The following SEC23IP variants were observed in gnomAD, a reference collection of about 807,000 sequenced individuals.
SEC23IP encodes the protein SEC23-interacting protein.
A neutral mutation model predicts 113.4 loss-of-function variants in SEC23IP; 70 were observed. The ratio of observed to expected loss-of-function variants is 0.62; its 90% confidence interval spans 0.51 to 0.75. The LOEUF (loss-of-function observed/expected upper bound fraction) is 0.75. SEC23IP is among the 30% of genes least tolerant of loss of function. The probability of loss-of-function intolerance (pLI) is 0.00; values close to 1 mark genes in which losing one functional copy is unlikely to be tolerated. For synonymous variants in SEC23IP, 398 were observed against 421.0 expected, an observed-to-expected ratio of 0.95 and a Z score of 0.67; for missense variants, 1,160 against 1,204.9, an observed-to-expected ratio of 0.96 and a Z score of 0.55.
rs975800867 is a variant in SEC23IP at position 119,943,287 on chromosome 10, A to T, written c.*2722A>T. Reference sequence around the variant, plus strand: ...TGGGTCCTCAGAGGAGAGTGGATAGAATTCAGTTCCTCTATGAGCTGGGGT... The same window carrying T: ...TGGGTCCTCAGAGGAGAGTGGATAGTATTCAGTTCCTCTATGAGCTGGGGT... On this transcript the variant is annotated 3_prime_UTR_variant, in exon 19 of 19. Transcript: ENST00000369075. 2.0e-5 allele frequency: 3 copies of T among 152,164 alleles called. No individual in the cohort carries two copies. Among genetic ancestry groups the T allele is most frequent in the Non-Finnish European group, 4.4e-5 (3 of 68,042 alleles). The allele number at this position is 152,164 out of a possible 1,614,324, so 9.4% of individuals were successfully genotyped here. A position where few individuals can be genotyped will look rare whatever the true frequency, so the allele number is the denominator to read the frequency against.
chr10:119,893,471 C>T (rs74157695), intron 1 of SEC23IP, among the ~76,000 whole-genome samples: 1 of 151,256 alleles, frequency 6.6e-6, no homozygotes, highest in African/African-American at 2.4e-5. Flanking sequence ...CTTCTAGAAG[C>T]CTGTAATATT....
intron 12 of SEC23IP, among the ~76,000 whole-genome samples, chr10:119,924,842 C>T (rs943567475): frequency 5.9e-5 from 9 of 152,152 alleles, no homozygotes; most frequent in African/African-American, 1.2e-4. Context: ...CAGTGGCGCA[C>T]GCATGGCTCA....
Position 119,929,759 on chromosome 10 carries a change from T to C in SEC23IP, c.2466T>C (p.His822=). ...GTAAAGGGTTCTTCAATATTTATCA[T>C]CCGGTGAGTAATTGAATTTACTTTG... is the stretch of plus-strand genomic sequence containing the variant. ...PTCKGFFNIY[H]PLDPVAYRLE... is the part of the protein sequence containing the mutation. The change falls in exon 14 of 19, where the codon CAT becomes CAC. Residue 822 remains histidine (H), a synonymous_variant. Coordinates refer to ENST00000369075, the MANE Select transcript of SEC23IP (RefSeq NM_007190.4). 6.4e-7 allele frequency: 1 copy of C among 1,570,230 alleles called. No individual in the cohort carries two copies. Among genetic ancestry groups the C allele is most frequent in the Non-Finnish European group, 8.7e-7 (1 of 1,153,948 alleles).
At position 119,898,521 on chromosome 10, in the gene SEC23IP, A is replaced by G. The variant is rs749318320; in HGVS notation, c.258A>G (p.Val86=). ...AGACATTTAGTTACTTCTCTCAGGT[A>G]TCAAGCAGCAGTGATCCTTTTGGGA... ...APQTFSYFSQ[V]SSSSDPFGNI... The change falls in exon 2 of 19, where the codon GTA becomes GTG. Residue 86 remains valine (V), a synonymous_variant. Transcript: ENST00000369075. 2.5e-6 allele frequency: 4 copies of G among 1,614,176 alleles called. No homozygotes were observed. Among genetic ancestry groups the G allele is most frequent in the South Asian group, 1.1e-5 (1 of 91,086 alleles).
At chr10:119,939,287 C>T (rs1290501455) in intron 18 of SEC23IP, among the ~76,000 whole-genome samples, 1 of 151,814 alleles carries the variant, frequency 6.6e-6, no homozygotes, top group African/African-American at 2.4e-5. Context: ...CCACTGCACT[C>T]CAGCCTGGAT....
intron 4 of SEC23IP, among the ~76,000 whole-genome samples, chr10:119,907,843 T>G (rs150913972): frequency 1.1e-3 from 161 of 152,202 alleles, no homozygotes; most frequent in African/African-American, 3.7e-3. Flanking sequence ...TGCCAGTTAC[T>G]CGGGAGGCTG....
In SEC23IP at chr10:119,919,479, G is replaced by C. The variant is rs145297605; in HGVS notation, c.1908G>C (p.Ser636=). The part of the protein sequence containing the change: ...PEEPKLTLDE[S]YDLVVENKEV... ...AGCCAAAGCTGACTTTGGATGAGTC[G>C]TATGACCTTGTTGTTGAAAATAAAG... Residue 636 remains serine (S), a synonymous_variant, in exon 11 of 19, where the codon TCG becomes TCC. Transcript: ENST00000369075. 1 of 1,612,124 alleles carries C rather than the reference G, an allele frequency of 6.2e-7. No homozygotes were observed. Among genetic ancestry groups the C allele is most frequent in the African/African-American group, 1.3e-5 (1 of 74,806 alleles).
At chr10:119,921,384 CT>C (rs1353478460) in intron 12 of SEC23IP, among the ~76,000 whole-genome samples, 1 of 152,204 alleles carries the variant, frequency 6.6e-6, no homozygotes, top group African/African-American at 2.4e-5. Context: ...GTGTTTCCCA[CT>C]GCTGGTCTCA....
Position 119,912,037 on chromosome 10 carries a change from C to T in SEC23IP, c.1192-7C>T, listed in dbSNP as rs1224151092. On this transcript the variant is annotated splice_polypyrimidine_tract_variant and splice_region_variant and intron_variant, in intron 5 of 18. Transcript: ENST00000369075. ...GAGCTTTGTCATAATTCTGTTGCAT[C>T]TTGAAGGTTATTGTTCAGTTCCAGC... 1.2e-6 allele frequency: 2 copies of T among 1,613,528 alleles called. No individual in the cohort carries two copies. The highest frequency in any genetic ancestry group is 1.3e-5 in the African/African-American group (1 of 75,000).
chr10:119,926,475 T>C (rs968976747), intron 13 of SEC23IP, among the ~76,000 whole-genome samples: 14 of 152,240 alleles, frequency 9.2e-5, no homozygotes, highest in African/African-American at 3.1e-4. Context: ...GCTCATACTT[T>C]TATAGCATCA....
chr10:119,918,770 A>C (rs1281063284), intron 10 of SEC23IP, among the ~76,000 whole-genome samples: 2 of 152,140 alleles, frequency 1.3e-5, no homozygotes, highest in African/African-American at 2.4e-5. Context: ...TATAGGCCCA[A>C]ATATAATAGC....
Position 119,892,747 on chromosome 10 carries a change from T to A in SEC23IP, c.-36T>A. ...TTCCGGTCAGTGGTGTGGTACCGGGTACCCGGAGACGTGTATCGGACGGTG... is the reference window on the plus strand; with the variant it reads ...TTCCGGTCAGTGGTGTGGTACCGGGAACCCGGAGACGTGTATCGGACGGTG... On this transcript the variant is annotated 5_prime_UTR_variant, in exon 1 of 19. Transcript: ENST00000369075. 6.4e-7 allele frequency: 1 copy of A among 1,572,986 alleles called. No individual in the cohort carries two copies.
intron 1 of SEC23IP, chr10:119,898,194 G>T: frequency 1.5e-6 from 1 of 679,092 alleles, no homozygotes; most frequent in Non-Finnish European, 2.1e-6. Context: ...GTGGGCTTAT[G>T]AATGAATTAT....
intron 18 of SEC23IP, among the ~76,000 whole-genome samples, chr10:119,937,931 A>T (rs1013499421): frequency 6.6e-6 from 1 of 151,904 alleles, no homozygotes; most frequent in African/African-American, 2.4e-5. Context: ...CTGGTGATTT[A>T]TTTGTCTATG....
rs1486100821 is a variant in SEC23IP, at chr10:119,912,071, G to C, written c.1219G>C (p.Val407Leu). Residue 407 changes from valine to leucine, a missense_variant, in exon 6 of 19, where the codon GTG (valine) becomes CTG (leucine). By Grantham distance (32) the Val-to-Leu change is conservative. Transcript: ENST00000369075. ...TATTGTTCAGTTCCAGCCCTCCTCAGTGCCAGATGAATGGGGCACCACGCA... is the reference window on the plus strand; with the variant it reads ...TATTGTTCAGTTCCAGCCCTCCTCACTGCCAGATGAATGGGGCACCACGCA... ...KVIVQFQPSS[V>L]PDEWGTTQDG... 6.2e-7 allele frequency: 1 copy of C among 1,614,070 alleles called. No individual in the cohort carries two copies.
In SEC23IP at chr10:119,942,470, A is replaced by G. The variant is rs1855993301; in HGVS notation, c.*1905A>G. On this transcript the variant is annotated 3_prime_UTR_variant, in exon 19 of 19. Transcript: ENST00000369075. ...TTGTTCACTGTTGTAACCACCTTGC[A>G]GGATTTCAGTCTATAAACTAGGTGA... The G allele has an allele frequency of 6.6e-6, 1 of 152,170 alleles. No individual in the cohort carries two copies. The highest frequency in any genetic ancestry group is 6.5e-5 in the Admixed American group (1 of 15,268). 9.4% of individuals were successfully genotyped at this position (152,170 alleles called of 1,614,324 possible). A position where few individuals can be genotyped will look rare whatever the true frequency, so the allele number is the denominator to read the frequency against.
rs542923078 is a variant in SEC23IP at position 119,914,883 on chromosome 10, A to G, written c.1402+64A>G. The G allele has an allele frequency of 6.8e-5, 100 of 1,472,232 alleles. 1 individual carries two copies. In the South Asian group the frequency reaches 9.8e-4, roughly 14 times the overall value. The allele number at this position is 1,472,232 out of a possible 1,614,324, so 91.2% of individuals were successfully genotyped here. On this transcript the variant is annotated intron_variant, in intron 7 of 18. Coordinates refer to ENST00000369075, the MANE Select transcript of SEC23IP (RefSeq NM_007190.4). ...AGAACTAATAGAAGAGCTTTGGAGT[A>G]TTCATTTTTAGGATAGTTCCCAGCT...
intron 4 of SEC23IP, among the ~76,000 whole-genome samples, chr10:119,907,237 G>A (rs531344323): frequency 6.6e-5 from 10 of 151,698 alleles, no homozygotes; most frequent in South Asian, 2.1e-4. Flanking sequence ...CGGAGGTTGC[G>A]GTGAGCTGAG....
chr10:119,903,828 A>G (rs1435907639), intron 3 of SEC23IP, among the ~76,000 whole-genome samples: 3 of 152,146 alleles, frequency 2.0e-5, no homozygotes, highest in Admixed American at 6.5e-5. Context: ...GGTTCAAACT[A>G]CTATGCCTCA....
Sources: allele counts gnomAD v4.1 joint callset (sites outside exome capture counted in the v4.1 genomes callset), GRCh38; gene constraint gnomAD v4.1.1; transcripts MANE v1.5; gene names NCBI Gene and HGNC (gene_info 2026-07-23, HGNC 2026-07-21).